Variants in TP53BP2 observed in about 807,000 individuals in gnomAD.
TP53BP2 encodes the protein tumor protein p53 binding protein 2.
Under a neutral mutation model 126.2 loss-of-function variants are expected in TP53BP2, and 62 were observed. That is an observed-to-expected ratio of 0.49 (90% confidence interval 0.40 to 0.61). The LOEUF (loss-of-function observed/expected upper bound fraction) is 0.61, where lower values mean the gene tolerates loss of function less well. TP53BP2 is among the 20% of genes least tolerant of loss of function. The probability of loss-of-function intolerance (pLI) is 0.00; values close to 1 mark genes in which losing one functional copy is unlikely to be tolerated. For synonymous variants in TP53BP2, 485 were observed against 502.9 expected, an observed-to-expected ratio of 0.96 and a Z score of 0.48; for missense variants, 1,215 against 1,402.8, an observed-to-expected ratio of 0.87 and a Z score of 2.14.
intron 13 of TP53BP2, among the ~76,000 whole-genome samples, chr1:223,794,755 A>G (rs1662261295): frequency 6.6e-6 from 1 of 152,192 alleles, no homozygotes; most frequent in Non-Finnish European, 1.5e-5. Context: ...GGTTGTTTAA[A>G]AACTGTTAAC....
At chr1:223,782,625 G>A (rs868357130) in intron 17 of TP53BP2, among the ~76,000 whole-genome samples, 10 of 152,128 alleles carry the variant, frequency 6.6e-5, no homozygotes, top group Non-Finnish European at 5.9e-5. Context: ...TGGGATTATA[G>A]TATTTTTAGT....
At chr1:223,818,566 A>C in intron 2 of TP53BP2, among the ~76,000 whole-genome samples, 1 of 150,852 alleles carries the variant, frequency 6.6e-6, no homozygotes, top group Middle Eastern at 3.2e-3. Flanking sequence ...CGGTGTTATC[A>C]TTAAAAAAAA....
chr1:223,842,594 C>A (rs528359780), intron 1 of TP53BP2, among the ~76,000 whole-genome samples: 2 of 152,324 alleles, frequency 1.3e-5, no homozygotes, highest in African/African-American at 4.8e-5. Context: ...ATTATTTCAA[C>A]AGCAGGTACA....
At chr1:223,825,135 T>C (rs750668828) in intron 1 of TP53BP2, among the ~76,000 whole-genome samples, 3 of 152,138 alleles carry the variant, frequency 2.0e-5, no homozygotes, top group African/African-American at 7.2e-5. Context: ...AACTCATTTT[T>C]ATTATCTGCC....
chr1:223,792,543 A>G, intron 14 of TP53BP2, 21 bp from the exon 15 acceptor site: 1 of 1,612,926 alleles, frequency 6.2e-7, no homozygotes, highest in Non-Finnish European at 8.5e-7. Flanking sequence ...AAGAAGGGTG[A>G]GCATCACTCT....
intron 1 of TP53BP2, chr1:223,834,922 T>C: frequency 9.5e-6 from 9 of 946,116 alleles, no homozygotes; most frequent in Non-Finnish European, 1.1e-5. Flanking sequence ...CCTACTGGTC[T>C]ATACATTCTT....
chr1:223,780,105 T>C lies in TP53BP2; in HGVS notation c.*748A>G, dbSNP rs531387238. ...TAAACAGCTAGCATCAAAAAGTTTATTACAACTGTTTTTAAAGTCAGCTAT... is the reference window on the plus strand; with the variant it reads ...TAAACAGCTAGCATCAAAAAGTTTACTACAACTGTTTTTAAAGTCAGCTAT... On this transcript the variant is annotated 3_prime_UTR_variant, in exon 18 of 18. Coordinates refer to ENST00000343537, the MANE Select transcript of TP53BP2 (RefSeq NM_001031685.3). The C allele has an allele frequency of 3.3e-5, 5 of 152,348 alleles. No individual in the cohort carries two copies. Among genetic ancestry groups the C allele is most frequent in the African/African-American group, 7.2e-5 (3 of 41,580 alleles). 9.4% of individuals were successfully genotyped at this position (152,348 alleles called of 1,614,324 possible). A position where few individuals can be genotyped will look rare whatever the true frequency, so the allele number is the denominator to read the frequency against.
At chr1:223,802,572 T>TA (rs530732730) in intron 8 of TP53BP2, 159 bp downstream of exon 8, 27 of 1,005,082 alleles carry the variant, frequency 2.7e-5, no homozygotes, top group Middle Eastern at 3.2e-4. Context: ...CATTAAAAAG[T>TA]AAAAAAGCAG....
chr1:223,821,472 G>A (rs370377520), intron 1 of TP53BP2, 105 bp from the exon 2 acceptor site: 27 of 1,456,746 alleles, frequency 1.9e-5, no homozygotes, highest in African/African-American at 2.8e-5. Context: ...AAGTGCAAAC[G>A]TACAACAGAA....
At chr1:223,817,706 A>G (rs1381760312) in intron 2 of TP53BP2, among the ~76,000 whole-genome samples, 2 of 152,116 alleles carry the variant, frequency 1.3e-5, no homozygotes, top group Non-Finnish European at 1.5e-5. Context: ...CAGGCGGATC[A>G]CTTGAGGTCA....
chr1:223,798,165 G>T (rs1316267432), intron 12 of TP53BP2, 50 bp downstream of exon 12: 1 of 1,540,826 alleles, frequency 6.5e-7, no homozygotes, highest in African/African-American at 1.4e-5. Flanking sequence ...GATGGCTTAA[G>T]TTCTGGTATA....
chr1:223,793,585 T>C, intron 13 of TP53BP2, 145 bp from the exon 14 acceptor site: 1 of 908,562 alleles, frequency 1.1e-6, no homozygotes, highest in Non-Finnish European at 1.6e-6. Context: ...AAGTATAACA[T>C]TATTCAGAAA....
intron 12 of TP53BP2, 60 bp downstream of exon 12, chr1:223,798,155 G>T: frequency 6.7e-7 from 1 of 1,490,062 alleles, no homozygotes; most frequent in Non-Finnish European, 9.1e-7. Context: ...TCTGCTGAGG[G>T]ATGGCTTAAG....
chr1:223,840,696 T>G (rs902219765), intron 1 of TP53BP2, among the ~76,000 whole-genome samples: 2 of 152,242 alleles, frequency 1.3e-5, no homozygotes, highest in Non-Finnish European at 2.9e-5. Context: ...TTTGTTTTAT[T>G]GTCTGCTGAG....
chr1:223,821,444 A>G, intron 1 of TP53BP2, 77 bp from the exon 2 acceptor site: 2 of 1,589,118 alleles, frequency 1.3e-6, no homozygotes, highest in Non-Finnish European at 8.6e-7. Context: ...TCCTTTCTCC[A>G]AACAAAATCT....
intron 16 of TP53BP2, among the ~76,000 whole-genome samples, chr1:223,786,560 ATGTGTGTGTGTGCGTGTGTGCGTG>A (rs1558087290): frequency 6.9e-6 from 1 of 145,428 alleles, no homozygotes; most frequent in African/African-American, 2.6e-5. Context: ...CATTATATAT[ATGTGTGTGTGTGCGTGTGTGCGTG>A]TGTGTGTGTG....
intron 2 of TP53BP2, among the ~76,000 whole-genome samples, chr1:223,818,982 G>A (rs796859589): frequency 3.3e-5 from 5 of 151,204 alleles, no homozygotes; most frequent in African/African-American, 9.7e-5. Context: ...TAGGGAGTTC[G>A]AGACCAGCCT....
At chr1:223,807,610 G>A (rs1209930524) in intron 4 of TP53BP2, among the ~76,000 whole-genome samples, 2 of 146,938 alleles carry the variant, frequency 1.4e-5, no homozygotes, top group Admixed American at 6.8e-5. Flanking sequence ...AAGACTGCAG[G>A]ATTAAAAAAA....
In TP53BP2 at chr1:223,796,089, T is replaced by C. The variant is rs1037048794; in HGVS notation, c.2450A>G (p.Glu817Gly). The C allele has an allele frequency of 1.9e-6, 3 of 1,614,074 alleles. No individual in the cohort carries two copies. Among genetic ancestry groups the C allele is most frequent in the Non-Finnish European group, 2.5e-6 (3 of 1,180,034 alleles). The change falls in exon 13 of 18, where the codon GAG (glutamate) becomes GGG (glycine). Residue 817 changes from glutamate to glycine, a missense_variant. Physicochemically the swap from Glu to Gly is moderately conservative, Grantham distance 98. Coordinates refer to ENST00000343537, the MANE Select transcript of TP53BP2 (RefSeq NM_001031685.3). The surrounding 1 kb of genome is among the most constrained non-coding windows in gnomAD (Gnocchi z 4.2). Reference sequence around the variant, plus strand: ...CTCTGTACTGGCATTCCCCACATCCTCTGGGGACAATGATTCAGGAACCAG... The same window carrying C: ...CTCTGTACTGGCATTCCCCACATCCCCTGGGGACAATGATTCAGGAACCAG... ...VSLVPESLSP[E>G]DVGNASTENS...
Sources: allele counts gnomAD v4.1 joint callset (sites outside exome capture counted in the v4.1 genomes callset), GRCh38; gene constraint gnomAD v4.1.1; non-coding constraint Gnocchi (gnomAD v3.1); transcripts MANE v1.5; gene names NCBI Gene and HGNC (gene_info 2026-07-23, HGNC 2026-07-21).